GRM5: variants seen among roughly 807,000 people sequenced by gnomAD.
The protein encoded by GRM5 is metabotropic glutamate receptor 5.
A neutral mutation model predicts 83.1 loss-of-function variants in GRM5; 19 were observed. The ratio of observed to expected loss-of-function variants is 0.23; its 90% CI spans 0.16 to 0.34. The LOEUF is 0.34. GRM5 is among the 10% of genes least tolerant of loss of function. The pLI is 1.00. For missense variants in GRM5, 1,160 were observed against 1,588.3 expected, an observed-to-expected ratio of 0.73 and a Z score of 4.58; for synonymous variants, 675 against 633.6, an observed-to-expected ratio of 1.07 and a Z score of -0.98.
intron 2 of GRM5, among the ~76,000 whole-genome samples, chr11:88,973,137 A>C (rs1939219805): frequency 6.6e-6 from 1 of 152,148 alleles, no homozygotes; most frequent in Admixed American, 6.6e-5. Flanking sequence ...GATAATTAGG[A>C]AAATGTAAGT....
At position 88,587,343 on chromosome 11, in the gene GRM5, CA is replaced by C. The variant is rs1197870935; in HGVS notation, c.1690+3257del. On this transcript the variant is annotated intron_variant, in intron 7 of 9. Transcript: ENST00000305447. Reference sequence around the variant, plus strand: ...TTCCAGGTGGAGAAGACAATATGTACACAGACAGGGAGGAATAAAATAGCAT... The same window carrying C: ...TTCCAGGTGGAGAAGACAATATGTACCAGACAGGGAGGAATAAAATAGCAT... 7.9e-5 allele frequency among the ~76,000 whole-genome samples: 12 copies of C among 152,104 alleles called. No homozygotes were observed. In the South Asian group the frequency reaches 1.0e-3, roughly 13 times the overall value.
intron 6 of GRM5, among the ~76,000 whole-genome samples, chr11:88,594,342 T>G (rs1937742506): frequency 6.6e-6 from 1 of 152,130 alleles, no homozygotes; most frequent in Admixed American, 6.5e-5. Flanking sequence ...TTAGCAAACT[T>G]TTTTTTGTAC....
chr11:88,894,856 A>C (rs1945206740), intron 2 of GRM5, among the ~76,000 whole-genome samples: 1 of 152,150 alleles, frequency 6.6e-6, no homozygotes, highest in African/African-American at 2.4e-5. Flanking sequence ...CAACATGAGA[A>C]TACAATGTGA....
At chr11:88,750,730 C>T (rs909716748) in intron 3 of GRM5, among the ~76,000 whole-genome samples, 7 of 152,110 alleles carry the variant, frequency 4.6e-5, no homozygotes, top group Non-Finnish European at 1.5e-5. Context: ...CAAACAGTCT[C>T]TCAGATCACA....
chr11:88,743,031 A>T (rs1942060664), intron 3 of GRM5, among the ~76,000 whole-genome samples: 2 of 152,148 alleles, frequency 1.3e-5, no homozygotes, highest in African/African-American at 4.8e-5. Flanking sequence ...AGATGCATTT[A>T]AAAACAGCGA....
At chr11:88,630,480 A>C (rs1213647163) in intron 4 of GRM5, among the ~76,000 whole-genome samples, 1 of 151,144 alleles carries the variant, frequency 6.6e-6, no homozygotes, top group Non-Finnish European at 1.5e-5. Flanking sequence ...TTTGCCTTGT[A>C]TTCCACTCCA....
intron 4 of GRM5, among the ~76,000 whole-genome samples, chr11:88,611,444 G>C (rs1206650750): frequency 6.6e-6 from 1 of 152,060 alleles, no homozygotes; most frequent in Non-Finnish European, 1.5e-5. Flanking sequence ...TCAATTTTGA[G>C]AGGCTGGGTG....
chr11:88,903,936 T>C (rs1945360938), intron 2 of GRM5, among the ~76,000 whole-genome samples: 1 of 152,146 alleles, frequency 6.6e-6, no homozygotes. Context: ...GTTGGCCAAG[T>C]AAAAACTATA....
At chr11:89,028,160 G>C (rs1224473162) in intron 2 of GRM5, among the ~76,000 whole-genome samples, 1 of 152,190 alleles carries the variant, frequency 6.6e-6, no homozygotes, top group African/African-American at 2.4e-5. Flanking sequence ...GTCTGTGGTA[G>C]TCTGGTATGG....
At chr11:88,515,796 A>G (rs11020168) in intron 9 of GRM5, among the ~76,000 whole-genome samples, 64,770 of 152,104 alleles carry the variant, frequency 0.43, 14,477 homozygotes, top group Non-Finnish European at 0.49. Flanking sequence ...GAACAAAGCC[A>G]GACATAGCTG....
At chr11:88,724,719 C>T (rs985923598) in intron 3 of GRM5, among the ~76,000 whole-genome samples, 1 of 152,106 alleles carries the variant, frequency 6.6e-6, no homozygotes, top group African/African-American at 2.4e-5. Context: ...GCTCTTCTCA[C>T]TGGGACTGGT....
intron 4 of GRM5, among the ~76,000 whole-genome samples, chr11:88,614,725 C>T (rs1938422411): frequency 6.6e-6 from 1 of 152,116 alleles, no homozygotes; most frequent in Admixed American, 6.6e-5. Flanking sequence ...CTAAGCACTA[C>T]AAGATAGACC....
intron 2 of GRM5, among the ~76,000 whole-genome samples, chr11:88,916,472 G>A (rs1945594517): frequency 6.6e-6 from 1 of 152,122 alleles, no homozygotes; most frequent in Non-Finnish European, 1.5e-5. Flanking sequence ...ATTTAGACCA[G>A]CTCTAGTCAA....
rs1390895943 is a variant in GRM5, at chr11:88,604,951, C to T, written c.1161G>A (p.Leu387=). Residue 387 remains leucine, a synonymous_variant, in exon 5 of 10, where the codon CTG becomes CTA. Coordinates refer to ENST00000305447, the MANE Select transcript of GRM5 (RefSeq NM_001143831.3). ...YNKTCNSSLT[L]KTHHVQDSKM... ...TGGAATCCTGAACATGATGTGTTTT[C>T]AGAGTCAGAGAACCTGTTGGGAAAC... 5.6e-6 allele frequency: 9 copies of T among 1,612,602 alleles called. No individual in the cohort carries two copies. The highest frequency in any genetic ancestry group is 7.6e-6 in the Non-Finnish European group (9 of 1,178,978).
chr11:88,591,703 T>C (rs1290099871), intron 6 of GRM5, among the ~76,000 whole-genome samples: 1 of 152,236 alleles, frequency 6.6e-6, no homozygotes, highest in East Asian at 1.9e-4. Flanking sequence ...GACAACTGTT[T>C]GTTACATTTT....
intron 2 of GRM5, 109 bp from the exon 3 acceptor site, chr11:88,850,264 T>C: frequency 1.3e-6 from 1 of 788,246 alleles, no homozygotes; most frequent in Non-Finnish European, 2.0e-6. Context: ...GGTATGGGAC[T>C]TGCAACCTGA....
intron 3 of GRM5, among the ~76,000 whole-genome samples, chr11:88,823,356 G>A (rs1366232538): frequency 6.6e-6 from 1 of 151,826 alleles, no homozygotes; most frequent in African/African-American, 2.4e-5. Flanking sequence ...TTTGTTTTGT[G>A]TTTAAGGATA....
chr11:88,894,238 A>T (rs1310017064), intron 2 of GRM5, among the ~76,000 whole-genome samples: 1 of 151,992 alleles, frequency 6.6e-6, no homozygotes. Context: ...GAACCAATCT[A>T]TAAGCCCTGT....
At chr11:88,657,095 T>C (rs1320102040) in intron 3 of GRM5, among the ~76,000 whole-genome samples, 1 of 152,148 alleles carries the variant, frequency 6.6e-6, no homozygotes, top group African/African-American at 2.4e-5. Context: ...TGTTAGTGAG[T>C]CAACAATTTA....
Sources: gnomAD v4.1 joint callset for allele counts (sites outside exome capture counted in the v4.1 genomes callset) on GRCh38, gnomAD v4.1.1 for gene constraint, MANE v1.5 for transcripts, NCBI Gene and HGNC (gene_info 2026-07-23, HGNC 2026-07-21) for gene names.